TFDP2: variants seen among roughly 807,000 people sequenced by gnomAD.
TFDP2 encodes the protein transcription factor Dp-2, also known as transcription factor Dp-2 (E2F dimerization partner 2).
In TFDP2, 17 loss-of-function variants were observed where a neutral mutation model predicts 59.3. The ratio of observed to expected loss-of-function variants is 0.29; its 90% CI spans 0.20 to 0.43. The LOEUF (loss-of-function observed/expected upper bound fraction) is 0.43. TFDP2 is among the 20% of genes least tolerant of loss of function. The pLI, the probability that TFDP2 is intolerant of heterozygous loss-of-function variation, is 1.00. For synonymous variants in TFDP2, 180 were observed against 194.7 expected, an observed-to-expected ratio of 0.92 and a Z score of 0.63; for missense variants, 391 against 528.8, an observed-to-expected ratio of 0.74 and a Z score of 2.56.
At chr3:142,011,658 T>A (rs1251654393) in intron 3 of TFDP2, among the ~76,000 whole-genome samples, 11 of 150,940 alleles carry the variant, frequency 7.3e-5, no homozygotes, top group East Asian at 1.9e-4. Context: ...CAAACTTTTT[T>A]AAAAAGGAAA....
chr3:142,040,816 A>C (rs375085750), intron 3 of TFDP2, among the ~76,000 whole-genome samples: 1 of 152,146 alleles, frequency 6.6e-6, no homozygotes. Context: ...AGGGAGGAAA[A>C]TCACTTGAGC....
intron 4 of TFDP2, among the ~76,000 whole-genome samples, chr3:141,999,522 T>C (rs1329033904): frequency 1.3e-5 from 2 of 152,150 alleles, no homozygotes; most frequent in Non-Finnish European, 2.9e-5. Flanking sequence ...CTATAACATA[T>C]AACCATAAGA....
chr3:141,963,790 C>G, intron 10 of TFDP2, 22 bp downstream of exon 10: 1 of 1,605,322 alleles, frequency 6.2e-7, no homozygotes, highest in Non-Finnish European at 8.5e-7. Context: ...AGCCCTGCAC[C>G]CATCCCTAGT....
chr3:142,016,170 C>T (rs1198764377), intron 3 of TFDP2, among the ~76,000 whole-genome samples: 1 of 151,246 alleles, frequency 6.6e-6, no homozygotes, highest in South Asian at 2.1e-4. Flanking sequence ...TGCCACCACA[C>T]CTAGCTAATT....
intron 1 of TFDP2, among the ~76,000 whole-genome samples, chr3:142,146,233 A>G (rs1369036405): frequency 6.6e-6 from 1 of 152,210 alleles, no homozygotes. Context: ...CCTACCAAAA[A>G]ATATTCTATT....
Position 142,064,608 on chromosome 3 carries a change from T to C in TFDP2, c.82+28453A>G, listed in dbSNP as rs762910454. ...TTCTCTAATTCCTTTAGATTTGCGA[T>C]TTACATGTCTGCAGTGTCAGTCATG... On this transcript the variant is annotated intron_variant, in intron 3 of 12. Transcript: ENST00000489671. Among the ~76,000 whole-genome samples, 19 of 152,338 alleles carry C rather than the reference T, an allele frequency of 1.2e-4. 1 individual carries two copies. Among genetic ancestry groups the C allele is most frequent in the South Asian group, 2.1e-4 (1 of 4,832 alleles).
intron 3 of TFDP2, among the ~76,000 whole-genome samples, chr3:142,040,742 A>T (rs1263058294): frequency 4.6e-5 from 7 of 152,090 alleles, no homozygotes; most frequent in Non-Finnish European, 8.8e-5. Context: ...AACTTTTTTT[A>T]ATAAAAAATA....
rs1935945319 is a variant in TFDP2, at chr3:141,951,587, T to G, written c.*926A>C. 1 of 152,660 alleles carries G rather than the reference T, an allele frequency of 6.6e-6. No homozygotes were observed. The highest frequency in any genetic ancestry group is 2.4e-5 in the African/African-American group (1 of 41,450). The allele number at this position is 152,660 out of a possible 1,614,324, so 9.5% of individuals were successfully genotyped here. ...TCATTTTCACAAATTGCACACTGGG[T>G]GAGATCATACAATTACTGCAGGGAA... On this transcript the variant is annotated 3_prime_UTR_variant, in exon 13 of 13. Coordinates refer to ENST00000489671, the MANE Select transcript of TFDP2 (RefSeq NM_001178139.2).
intron 1 of TFDP2, among the ~76,000 whole-genome samples, chr3:142,148,394 G>A (rs978236069): frequency 2.6e-5 from 4 of 152,194 alleles, no homozygotes; most frequent in Non-Finnish European, 1.5e-5. Flanking sequence ...TTCTAAACCA[G>A]CATCCATGGC....
At chr3:141,973,901 A>G (rs1203240200) in intron 8 of TFDP2, 147 bp downstream of exon 8, 3 of 929,882 alleles carry the variant, frequency 3.2e-6, no homozygotes, top group Admixed American at 3.3e-5. Context: ...GCGCCTTCCA[A>G]TTCTAAAATT....
At chr3:142,000,576 G>A (rs942359462) in intron 4 of TFDP2, among the ~76,000 whole-genome samples, 22 of 152,212 alleles carry the variant, frequency 1.4e-4, no homozygotes, top group Non-Finnish European at 1.2e-4. Context: ...CTATTTCACA[G>A]GCAAAATACA....
rs1265395844 is a variant in TFDP2 at position 141,978,787 on chromosome 3, A to G, written c.357-105T>C. On this transcript the variant is annotated intron_variant, in intron 6 of 12. Coordinates refer to ENST00000489671, the MANE Select transcript of TFDP2 (RefSeq NM_001178139.2). ...AAGACAGTAATTTAAGTTTTACTTCAAGTGTCAAAAATTTAAATTGAATAG... is the reference window on the plus strand; with the variant it reads ...AAGACAGTAATTTAAGTTTTACTTCGAGTGTCAAAAATTTAAATTGAATAG... 10 of 862,944 alleles carry G rather than the reference A, an allele frequency of 1.2e-5. No individual in the cohort carries two copies. In the African/African-American group the frequency reaches 1.8e-4, roughly 15 times the overall value. 53.5% of individuals were successfully genotyped at this position (862,944 alleles called of 1,614,324 possible). A position where few individuals can be genotyped will look rare whatever the true frequency, so the allele number is the denominator to read the frequency against.
At chr3:142,046,211 T>C (rs972615469) in intron 3 of TFDP2, among the ~76,000 whole-genome samples, 10 of 152,204 alleles carry the variant, frequency 6.6e-5, no homozygotes, top group African/African-American at 2.4e-4. Flanking sequence ...TAATCCTACA[T>C]ACTTTGAAAC....
chr3:142,117,159 G>C (rs747212395), intron 1 of TFDP2, among the ~76,000 whole-genome samples: 4 of 152,080 alleles, frequency 2.6e-5, no homozygotes, highest in Admixed American at 2.6e-4. Flanking sequence ...GACCTCAAGT[G>C]ATCTGCCCGC....
intron 11 of TFDP2, 60 bp from the exon 12 acceptor site, chr3:141,953,076 T>A: frequency 1.6e-6 from 2 of 1,240,576 alleles, no homozygotes; most frequent in South Asian, 2.5e-5. Flanking sequence ...CTGCTGTTGT[T>A]ACAGTCTGAG....
intron 1 of TFDP2, among the ~76,000 whole-genome samples, chr3:142,102,790 T>C (rs574031164): frequency 6.6e-6 from 1 of 152,292 alleles, no homozygotes; most frequent in South Asian, 2.1e-4. Context: ...CTGAGGTACG[T>C]TTGCCCAATA....
Position 141,946,037 on chromosome 3 carries a change from T to C in TFDP2, c.*6476A>G, listed in dbSNP as rs1444549060. ...GGGCTCGGGAAAGGAGTCCCACTTC[T>C]ACCCCTCAGCTGTTTGGCACTTGGT... On this transcript the variant is annotated 3_prime_UTR_variant, in exon 13 of 13. Coordinates refer to ENST00000489671, the MANE Select transcript of TFDP2 (RefSeq NM_001178139.2). 1 of 152,270 alleles carries C rather than the reference T, an allele frequency of 6.6e-6. No homozygotes were observed. The highest frequency in any genetic ancestry group is 2.4e-5 in the African/African-American group (1 of 41,458). 9.4% of individuals were successfully genotyped at this position (152,270 alleles called of 1,614,324 possible). A position where few individuals can be genotyped will look rare whatever the true frequency, so the allele number is the denominator to read the frequency against.
chr3:142,100,359 A>G (rs1447043164), intron 2 of TFDP2, among the ~76,000 whole-genome samples: 1 of 151,170 alleles, frequency 6.6e-6, no homozygotes, highest in Non-Finnish European at 1.5e-5. Flanking sequence ...GGCAGGATGC[A>G]TCAAGCTACC....
intron 3 of TFDP2, among the ~76,000 whole-genome samples, chr3:142,035,604 G>A (rs1174720786): frequency 1.3e-5 from 2 of 152,170 alleles, no homozygotes; most frequent in African/African-American, 2.4e-5. Flanking sequence ...TAACTGATAT[G>A]GTTTCGCTGT....
Sources: gnomAD v4.1 joint callset for allele counts (sites outside exome capture counted in the v4.1 genomes callset) on GRCh38, gnomAD v4.1.1 for gene constraint, MANE v1.5 for transcripts, NCBI Gene and HGNC (gene_info 2026-07-23, HGNC 2026-07-21) for gene names.